GUCY2C: variants seen among roughly 807,000 people sequenced by gnomAD.
GUCY2C encodes the protein guanylate cyclase 2C, also known as guanylyl cyclase C.
GUCY2C carries 118 observed loss-of-function variants against 131.1 expected under a neutral mutation model. The ratio of observed to expected loss-of-function variants is 0.90; its 90% CI spans 0.78 to 1.05. The LOEUF (loss-of-function observed/expected upper bound fraction) is 1.05. Among genes scored for constraint, GUCY2C ranks in the 50% least tolerant of loss-of-function variants. GUCY2C has a pLI of 0.00. For synonymous variants in GUCY2C, 452 were observed against 457.8 expected (o/e 0.99, Z 0.16); for missense variants, 1,161 against 1,304.4 (o/e 0.89, Z 1.69).
chr12:14,615,958 T>C (rs969526141), intron 25 of GUCY2C, among the ~76,000 whole-genome samples: 2 of 152,112 alleles, frequency 1.3e-5, no homozygotes, highest in Non-Finnish European at 1.5e-5. Flanking sequence ...TGAGAAGCAT[T>C]TGGAGACAAC....
chr12:14,657,182 A>G (rs1947780801), intron 11 of GUCY2C, among the ~76,000 whole-genome samples: 1 of 152,088 alleles, frequency 6.6e-6, no homozygotes, highest in African/African-American at 2.4e-5. Flanking sequence ...TAGGTTTTTC[A>G]CTAAGGCAGT....
At chr12:14,690,347 T>G (rs1948551919) in intron 1 of GUCY2C, among the ~76,000 whole-genome samples, 1 of 152,166 alleles carries the variant, frequency 6.6e-6, no homozygotes. Flanking sequence ...CTTGAGGTCT[T>G]TGTATAATGG....
intron 1 of GUCY2C, 122 bp from the exon 2 acceptor site, chr12:14,688,185 C>T (rs1040030230): frequency 4.6e-6 from 3 of 652,338 alleles, no homozygotes; most frequent in African/African-American, 3.6e-5. Context: ...ATATTTACAT[C>T]CTGAGCCCTT....
rs942184306 is a variant in GUCY2C at position 14,621,498 on chromosome 12, A to G, written c.2602-282T>C. 2.0e-5 allele frequency among the ~76,000 whole-genome samples: 3 copies of G among 152,188 alleles called. No homozygotes were observed. In the East Asian group the frequency reaches 5.8e-4, roughly 29 times the overall value. On this transcript the variant is annotated intron_variant, in intron 22 of 26. Transcript: ENST00000261170. ...TCCAGATGTGGTGACAGTTCTAGAA[A>G]TGTTCAAATAAATAATCTGAATGGT...
chr12:14,671,760 C>A (rs1241996793), intron 9 of GUCY2C, among the ~76,000 whole-genome samples: 1 of 152,116 alleles, frequency 6.6e-6, no homozygotes, highest in Non-Finnish European at 1.5e-5. Flanking sequence ...GGGCATCATC[C>A]CAGATGCAAA....
Position 14,622,203 on chromosome 12 carries a change from T to C in GUCY2C, c.2409-6A>G, listed in dbSNP as rs1592078156. 1.3e-6 allele frequency: 2 copies of C among 1,483,436 alleles called. No homozygotes were observed. Among genetic ancestry groups the C allele is most frequent in the Middle Eastern group, 1.8e-4 (1 of 5,474 alleles). The allele number at this position is 1,483,436 out of a possible 1,614,324, so 91.9% of individuals were successfully genotyped here. On this transcript the variant is annotated splice_region_variant and splice_polypyrimidine_tract_variant and intron_variant, in intron 21 of 26. Transcript: ENST00000261170. ...TCAGAGACTTTACCACTAGCCTAGA[T>C]GAACGAAGGGAAAAAAAATGCCTTC...
Position 14,619,208 on chromosome 12 carries a change from T to G in GUCY2C, c.2875+3A>C. The G allele has an allele frequency of 1.9e-6, 3 of 1,563,828 alleles. No individual in the cohort carries two copies. The highest frequency in any genetic ancestry group is 2.6e-6 in the Non-Finnish European group (3 of 1,134,480). ...CTCTGAGAAAAACAGTCTCCCTTCT[T>G]ACGGAGGCCAGTGGATTCCATCCTA... On this transcript the variant is annotated splice_donor_region_variant and intron_variant, in intron 24 of 26. Coordinates refer to ENST00000261170, the MANE Select transcript of GUCY2C (RefSeq NM_004963.4).
At chr12:14,656,677 T>C in intron 11 of GUCY2C, 60 bp from the exon 12 acceptor site, 2 of 855,738 alleles carry the variant, frequency 2.3e-6, no homozygotes, top group Non-Finnish European at 4.0e-6. Flanking sequence ...ATTCAGCTTC[T>C]GAAGACTGGG....
chr12:14,666,960 G>T (rs1947994171), intron 10 of GUCY2C, among the ~76,000 whole-genome samples: 1 of 152,102 alleles, frequency 6.6e-6, no homozygotes, highest in Non-Finnish European at 1.5e-5. Context: ...ATAATATAAC[G>T]TCCCTGTAGG....
chr12:14,686,146 A>G lies in GUCY2C; in HGVS notation c.395+15T>C, dbSNP rs1244213042. The G allele has an allele frequency of 2.0e-6, 3 of 1,482,762 alleles. No homozygotes were observed. The highest frequency in any genetic ancestry group is 1.4e-5 in the African/African-American group (1 of 72,488). 91.9% of individuals were successfully genotyped at this position (1,482,762 alleles called of 1,614,324 possible). ...ATATCATGTCCTGACTTCAGTTCAC[A>G]GTAGTATTACTTACTACATCTGGAA... On this transcript the variant is annotated intron_variant, in intron 3 of 26. Transcript: ENST00000261170.
Position 14,613,134 on chromosome 12 carries a change from C to T in GUCY2C, c.3205G>A (p.Glu1069Lys). Residue 1069 changes from glutamate to lysine, a missense_variant, in exon 27 of 27, where the codon GAG (glutamate) becomes AAG (lysine). Physicochemically the swap from Glu to Lys is moderately conservative, Grantham distance 56 (BLOSUM62 1). Coordinates refer to ENST00000261170, the MANE Select transcript of GUCY2C (RefSeq NM_004963.4). The surrounding 1 kb of genome is among the most constrained non-coding windows in gnomAD (Gnocchi z 4.9). Reference sequence around the variant, plus strand: ...ATTTAGGTTTAAAAATAGGTGCTCTCCTTGTCTGTGGTATTCAGCTGCAAG... The same window carrying T: ...ATTTAGGTTTAAAAATAGGTGCTCTTCTTGTCTGTGGTATTCAGCTGCAAG... ...EYLQLNTTDKESTYF is the reference protein window; with the variant it reads ...EYLQLNTTDKKSTYF 6.2e-7 allele frequency: 1 copy of T among 1,613,366 alleles called. No individual in the cohort carries two copies. Among genetic ancestry groups the T allele is most frequent in the Non-Finnish European group, 8.5e-7 (1 of 1,179,466 alleles).
chr12:14,650,939 T>C (rs1444896964), intron 15 of GUCY2C, among the ~76,000 whole-genome samples: 2 of 152,176 alleles, frequency 1.3e-5, no homozygotes, highest in Non-Finnish European at 2.9e-5. Context: ...AGTTCCTCTG[T>C]TTGCTTTGGA....
intron 15 of GUCY2C, among the ~76,000 whole-genome samples, chr12:14,648,695 A>G (rs1406797069): frequency 1.3e-5 from 2 of 152,174 alleles, no homozygotes; most frequent in Non-Finnish European, 1.5e-5. Context: ...CCGAATAAAT[A>G]TCTTTCTTTC....
intron 12 of GUCY2C, among the ~76,000 whole-genome samples, chr12:14,655,626 C>G (rs915512648): frequency 1.3e-5 from 2 of 152,170 alleles, no homozygotes; most frequent in African/African-American, 4.8e-5. Flanking sequence ...CAGTTTGGCC[C>G]TACTCTGAAG....
intron 22 of GUCY2C, among the ~76,000 whole-genome samples, chr12:14,621,744 G>A (rs1946901050): frequency 6.6e-6 from 1 of 152,100 alleles, no homozygotes; most frequent in Non-Finnish European, 1.5e-5. Flanking sequence ...ATGCCATTTT[G>A]TCTAAATTTA....
chr12:14,645,518 T>C (rs1365877111), intron 15 of GUCY2C, among the ~76,000 whole-genome samples: 1 of 152,208 alleles, frequency 6.6e-6, no homozygotes, highest in Non-Finnish European at 1.5e-5. Flanking sequence ...CACCTGGATA[T>C]GAGCAGGAGG....
intron 23 of GUCY2C, among the ~76,000 whole-genome samples, chr12:14,620,506 T>C (rs1946872591): frequency 6.6e-6 from 1 of 152,254 alleles, no homozygotes; most frequent in Non-Finnish European, 1.5e-5. Context: ...AAATTTAATA[T>C]GCATAAGCTT....
At chr12:14,643,471 A>T in intron 17 of GUCY2C, 103 bp downstream of exon 17, 1 of 985,112 alleles carries the variant, frequency 1.0e-6, no homozygotes, top group Non-Finnish European at 1.6e-6. Flanking sequence ...TTGTGGCTTT[A>T]AGTGCTTATC....
chr12:14,667,788 A>G (rs1258510829), intron 10 of GUCY2C, among the ~76,000 whole-genome samples: 5 of 152,188 alleles, frequency 3.3e-5, no homozygotes, highest in African/African-American at 1.2e-4. Context: ...GGATCCCATC[A>G]GTCAGAGGAC....
Sources: allele counts gnomAD v4.1 joint callset (sites outside exome capture counted in the v4.1 genomes callset), GRCh38; gene constraint gnomAD v4.1.1; non-coding constraint Gnocchi (gnomAD v3.1); transcripts MANE v1.5; gene names NCBI Gene and HGNC (gene_info 2026-07-23, HGNC 2026-07-21).